JAML: variants seen among roughly 807,000 people sequenced by gnomAD.
JAML encodes the protein junctional adhesion molecule-like.
A neutral mutation model predicts 39.3 loss-of-function variants in JAML; 25 were observed. The observed-to-expected ratio is 0.64, with a 90% confidence interval of 0.46 to 0.89. The LOEUF (loss-of-function observed/expected upper bound fraction) is 0.89, where lower values mean the gene tolerates loss of function less well. JAML is among the 40% of genes least tolerant of loss of function. The probability of loss-of-function intolerance (pLI) is 0.00; values close to 1 mark genes in which losing one functional copy is unlikely to be tolerated. For synonymous variants in JAML, 162 were observed against 179.2 expected (o/e 0.90, Z 0.77); for missense variants, 440 against 486.9 (o/e 0.90, Z 0.91).
rs1565472576 is a variant in JAML, at chr11:118,197,845, T to C, written c.1005+153A>G. The C allele has an allele frequency of 2.0e-5, 14 of 684,706 alleles. No homozygotes were observed. In the East Asian group the frequency reaches 3.8e-4, roughly 18 times the overall value. The allele number at this position is 684,706 out of a possible 1,614,324, so 42.4% of individuals were successfully genotyped here. A position where few individuals can be genotyped will look rare whatever the true frequency, so the allele number is the denominator to read the frequency against. ...ATGCACTGTACTCCGCAGAGGCTCT[T>C]ACTTTAGTGACAAAGGCTTCCTGAG... is the stretch of plus-strand genomic sequence containing the variant. On this transcript the variant is annotated intron_variant, in intron 8 of 9. Coordinates refer to ENST00000356289, the MANE Select transcript of JAML (RefSeq NM_001098526.2).
chr11:118,200,353 TA>T, intron 7 of JAML, 120 bp downstream of exon 7: 1 of 1,246,964 alleles, frequency 8.0e-7, no homozygotes. Context: ...TGATTCCATT[TA>T]AAAATACCCC....
intron 9 of JAML, among the ~76,000 whole-genome samples, chr11:118,194,689 A>T (rs1222489549): frequency 6.6e-6 from 1 of 152,220 alleles, no homozygotes; most frequent in Non-Finnish European, 1.5e-5. Context: ...GTCTAACTCC[A>T]CAGCTTGTGA....
chr11:118,197,031 A>T (rs1038937757), intron 8 of JAML: 3 of 478,434 alleles, frequency 6.3e-6, no homozygotes, highest in Non-Finnish European at 1.1e-5. Context: ...TAAGAACCAA[A>T]CTCTTTGCTT....
intron 2 of JAML, among the ~76,000 whole-genome samples, chr11:118,214,026 C>T (rs923364075): frequency 2.6e-5 from 4 of 152,074 alleles, no homozygotes; most frequent in African/African-American, 9.7e-5. Flanking sequence ...GTATACTTTG[C>T]TGAGTCAGGG....
chr11:118,213,184 G>A lies in JAML; in HGVS notation c.44-623C>T, dbSNP rs368125031. On this transcript the variant is annotated intron_variant, in intron 2 of 9. Transcript: ENST00000356289. Reference sequence around the variant, plus strand: ...TCCAGCCTCTAGGTGCTTCACACAGGGACCCCTGCCCATTATCTCTATGTT... The same window carrying A: ...TCCAGCCTCTAGGTGCTTCACACAGAGACCCCTGCCCATTATCTCTATGTT... 17 of 1,376,438 alleles carry A rather than the reference G, an allele frequency of 1.2e-5. No individual in the cohort carries two copies. The African/African-American group carries it at 1.7e-4, about 14-fold the overall frequency. 85.3% of individuals were successfully genotyped at this position (1,376,438 alleles called of 1,614,324 possible). A position where few individuals can be genotyped will look rare whatever the true frequency, so the allele number is the denominator to read the frequency against.
intron 1 of JAML, among the ~76,000 whole-genome samples, chr11:118,223,059 C>T (rs1235928129): frequency 7.7e-6 from 1 of 130,268 alleles, no homozygotes; most frequent in East Asian, 2.4e-4. Context: ...TGTGCCACTG[C>T]ATGCCAGCCT....
Position 118,200,572 on chromosome 11 carries a change from AC to A in JAML, c.812del (p.Gly271ValfsTer6), listed in dbSNP as rs766906716. The A allele has an allele frequency of 1.9e-6, 3 of 1,613,942 alleles. No individual in the cohort carries two copies. The African/African-American group carries it at 4.0e-5, about 22-fold the overall frequency. The stretch of plus-strand genomic sequence containing the variant: ...CCACAATGATCACCAACTGATTACC[AC>A]CCAAGACCAGAGGCCTCAGGGCTGC... ...TPAALRPLVL[G>X]GNQLVIIVGI... On this transcript the variant is annotated frameshift_variant, in exon 7 of 10. Transcript: ENST00000356289. LOFTEE classifies it high-confidence loss of function.
In JAML at chr11:118,203,921, T is replaced by C. The variant is rs930246973; in HGVS notation, c.535-256A>G. The C allele has an allele frequency of 2.4e-5, 11 of 450,770 alleles. No individual in the cohort carries two copies. The East Asian group carries it at 2.9e-4, about 12-fold the overall frequency. The allele number at this position is 450,770 out of a possible 1,614,324, so 27.9% of individuals were successfully genotyped here. A position where few individuals can be genotyped will look rare whatever the true frequency, so the allele number is the denominator to read the frequency against. ...GGATAAGAAAAGGAGGACTTTCATT[T>C]TGTGCACCTTTCCAATAAAAAAAAA... On this transcript the variant is annotated intron_variant, in intron 5 of 9. Coordinates refer to ENST00000356289, the MANE Select transcript of JAML (RefSeq NM_001098526.2).
intron 1 of JAML, among the ~76,000 whole-genome samples, chr11:118,219,830 A>C (rs1323984463): frequency 6.6e-6 from 1 of 152,208 alleles, no homozygotes; most frequent in Non-Finnish European, 1.5e-5. Context: ...GAGACAGCTG[A>C]AGGTCCTGGC....
At chr11:118,211,173 G>A (rs1056336137) in intron 3 of JAML, among the ~76,000 whole-genome samples, 9 of 152,268 alleles carry the variant, frequency 5.9e-5, no homozygotes, top group East Asian at 1.9e-4. Context: ...CCCTCCTCCC[G>A]GCAGCAGTAT....
intron 2 of JAML, among the ~76,000 whole-genome samples, chr11:118,214,309 C>A (rs572813073): frequency 2.0e-5 from 3 of 152,190 alleles, no homozygotes; most frequent in African/African-American, 7.2e-5. Flanking sequence ...AAGGGGAAAC[C>A]TGAAGGGTAA....
At chr11:118,196,355 T>TG (rs933733057) in intron 9 of JAML, among the ~76,000 whole-genome samples, 1 of 152,072 alleles carries the variant, frequency 6.6e-6, no homozygotes, top group African/African-American at 2.4e-5. Flanking sequence ...CTTGAACTCC[T>TG]GGCCTCAAGC....
chr11:118,195,927 G>C (rs1948643896), intron 9 of JAML, among the ~76,000 whole-genome samples: 1 of 151,836 alleles, frequency 6.6e-6, no homozygotes, highest in Non-Finnish European at 1.5e-5. Context: ...CACCTCCCAG[G>C]TTCAAGCAAT....
chr11:118,194,287 C>A lies in JAML; in HGVS notation c.*38G>T. On this transcript the variant is annotated 3_prime_UTR_variant, in exon 10 of 10. Transcript: ENST00000356289. ...GCCCAGGACACACACAGGAGAGAGTCTCCACCGCTGCTGAGATGAAGGGAC... is the reference window on the plus strand; with the variant it reads ...GCCCAGGACACACACAGGAGAGAGTATCCACCGCTGCTGAGATGAAGGGAC... 1 of 1,560,746 alleles carries A rather than the reference C, an allele frequency of 6.4e-7. No individual in the cohort carries two copies. The highest frequency in any genetic ancestry group is 1.1e-5 in the South Asian group (1 of 89,880).
intron 2 of JAML, among the ~76,000 whole-genome samples, chr11:118,214,119 T>C (rs1312042955): frequency 6.6e-6 from 1 of 152,160 alleles, no homozygotes; most frequent in Non-Finnish European, 1.5e-5. Context: ...GATTAATTTC[T>C]TCTCCTTCCA....
intron 6 of JAML, chr11:118,200,829 G>A: frequency 2.0e-6 from 1 of 492,906 alleles, no homozygotes; most frequent in East Asian, 3.2e-5. Context: ...AGGTGGGTGG[G>A]AGAAGAGGCT....
intron 1 of JAML, among the ~76,000 whole-genome samples, 195 bp from the exon 2 acceptor site, chr11:118,215,081 A>AAATG (rs1491193020): frequency 1.3e-5 from 2 of 152,238 alleles, no homozygotes; most frequent in African/African-American, 2.4e-5. Context: ...AGAAGCAAAT[A>AAATG]AATGAATGAA....
At chr11:118,209,153 C>A in intron 4 of JAML, 1 of 318,218 alleles carries the variant, frequency 3.1e-6, no homozygotes, top group Non-Finnish European at 6.3e-6. Context: ...AAGCATAATG[C>A]CTCCTTTGGT....
Position 118,222,591 on chromosome 11 carries a change from A to T in JAML, c.-21+2350T>A, listed in dbSNP as rs1210698241. Among the ~76,000 whole-genome samples the T allele has an allele frequency of 2.0e-5, 3 of 152,238 alleles. No homozygotes were observed. Among genetic ancestry groups the T allele is most frequent in the African/African-American group, 7.2e-5 (3 of 41,470 alleles). ...AACTAAAATCAAACATTTTATCAGAAAAAATTGAAACTTTAATCTCTTTTA... is the reference window on the plus strand; with the variant it reads ...AACTAAAATCAAACATTTTATCAGATAAAATTGAAACTTTAATCTCTTTTA... On this transcript the variant is annotated intron_variant, in intron 1 of 9. Transcript: ENST00000356289. This position sits in a 1 kb window ranked among gnomAD's most constrained non-coding sequence, Gnocchi z 4.2.
Sources: gnomAD v4.1 joint callset for allele counts (sites outside exome capture counted in the v4.1 genomes callset) on GRCh38, gnomAD v4.1.1 for gene constraint, Gnocchi (gnomAD v3.1) non-coding constraint, MANE v1.5 for transcripts, NCBI Gene and HGNC (gene_info 2026-07-23, HGNC 2026-07-21) for gene names.